Variants in MCU observed in about 807,000 individuals in gnomAD.
The protein encoded by MCU is mitochondrial calcium uniporter, also known as calcium uniporter protein, mitochondrial.
In MCU, 12 loss-of-function variants were observed where a neutral mutation model predicts 45.2. The observed-to-expected ratio is 0.27, with a 90% CI of 0.17 to 0.43. The LOEUF is 0.43. Among genes scored for constraint, MCU ranks in the 20% least tolerant of loss-of-function variants. MCU has a pLI of 1.00. For missense variants in MCU, 324 were observed against 436.7 expected (o/e 0.74, Z 2.30); for synonymous variants, 160 against 165.1 (o/e 0.97, Z 0.24).
At chr10:72,803,280 G>C (rs184193553) in intron 1 of MCU, among the ~76,000 whole-genome samples, 1 of 150,976 alleles carries the variant, frequency 6.6e-6, no homozygotes, top group Admixed American at 6.6e-5. Context: ...AATTTTTCTT[G>C]TATTTCTTCA....
chr10:72,876,925 T>G (rs543765154), intron 6 of MCU, among the ~76,000 whole-genome samples: 11 of 150,166 alleles, frequency 7.3e-5, no homozygotes, highest in East Asian at 3.9e-4. Context: ...ATCACAGTTT[T>G]TTTTTTTTTT....
intron 4 of MCU, among the ~76,000 whole-genome samples, chr10:72,865,770 T>G (rs371700224): frequency 6.0e-5 from 9 of 150,306 alleles, no homozygotes; most frequent in Admixed American, 1.3e-4. Flanking sequence ...TTTGTTTTTT[T>G]TTTTGTTTTT....
chr10:72,764,113 A>AATT (rs1377651062), intron 1 of MCU, among the ~76,000 whole-genome samples: 1 of 152,194 alleles, frequency 6.6e-6, no homozygotes, highest in African/African-American at 2.4e-5. Context: ...TCACATTTAC[A>AATT]TAATGTTGAC....
intron 1 of MCU, among the ~76,000 whole-genome samples, chr10:72,740,139 T>G (rs1203847882): frequency 6.6e-6 from 1 of 151,812 alleles, no homozygotes; most frequent in Non-Finnish European, 1.5e-5. Context: ...CCCAGCACTT[T>G]GGGAGGCTGC....
At chr10:72,849,047 G>A (rs1380386213) in intron 2 of MCU, among the ~76,000 whole-genome samples, 3 of 152,010 alleles carry the variant, frequency 2.0e-5, no homozygotes, top group South Asian at 2.1e-4. Flanking sequence ...TTGGGAGGCC[G>A]AGACGGGTGG....
chr10:72,794,332 A>G (rs1476601023), intron 1 of MCU, among the ~76,000 whole-genome samples: 7 of 152,150 alleles, frequency 4.6e-5, no homozygotes, highest in African/African-American at 9.7e-5. Flanking sequence ...AGATTCATAG[A>G]GTTACTGAAT....
At chr10:72,743,103 T>C (rs1843358909) in intron 1 of MCU, among the ~76,000 whole-genome samples, 1 of 151,856 alleles carries the variant, frequency 6.6e-6, no homozygotes, top group Non-Finnish European at 1.5e-5. Context: ...TCATTCACTG[T>C]CTCGAGAAAA....
chr10:72,775,053 A>G (rs1399404678), intron 1 of MCU, among the ~76,000 whole-genome samples: 1 of 152,154 alleles, frequency 6.6e-6, no homozygotes, highest in Non-Finnish European at 1.5e-5. Flanking sequence ...AATAGACTTG[A>G]TATTTACAGA....
At chr10:72,698,800 C>T (rs1005291577) in intron 1 of MCU, among the ~76,000 whole-genome samples, 2 of 152,000 alleles carry the variant, frequency 1.3e-5, no homozygotes, top group Non-Finnish European at 2.9e-5. Context: ...CCACCATGCT[C>T]AGCCCTTTAT....
At chr10:72,738,778 T>TTG (rs752060223) in intron 1 of MCU, among the ~76,000 whole-genome samples, 10 of 152,248 alleles carry the variant, frequency 6.6e-5, no homozygotes, top group Non-Finnish European at 1.5e-4. Flanking sequence ...CAGTCTAGCC[T>TTG]TCCAGGCTAT....
At position 72,818,181 on chromosome 10, in the gene MCU, G is replaced by A. The variant is rs181011953; in HGVS notation, c.151-16178G>A. On this transcript the variant is annotated intron_variant, in intron 1 of 7. Coordinates refer to ENST00000373053, the MANE Select transcript of MCU (RefSeq NM_138357.3). ...TGAAAAATTTGATTTAAAATGAAAA[G>A]TTCCTCTCTAACCTAGGTCACCTGT... Among the ~76,000 whole-genome samples the A allele has an allele frequency of 1.4e-4, 22 of 152,300 alleles. No individual in the cohort carries two copies. In the East Asian group the frequency reaches 4.0e-3, roughly 28 times the overall value.
At chr10:72,699,252 A>C (rs1842726136) in intron 1 of MCU, among the ~76,000 whole-genome samples, 1 of 152,196 alleles carries the variant, frequency 6.6e-6, no homozygotes, top group East Asian at 1.9e-4. Context: ...CATGCCTGTA[A>C]TCCCAGCACT....
Position 72,885,937 on chromosome 10 carries a change from T to A in MCU, c.*115T>A. The A allele has an allele frequency of 1.4e-6, 1 of 721,002 alleles. No individual in the cohort carries two copies. The allele number at this position is 721,002 out of a possible 1,614,324, so 44.7% of individuals were successfully genotyped here. A position where few individuals can be genotyped will look rare whatever the true frequency, so the allele number is the denominator to read the frequency against. On this transcript the variant is annotated 3_prime_UTR_variant, in exon 8 of 8. Transcript: ENST00000373053. ...GGGGTAGAGCGTTTTTACCTTTAAT[T>A]ATAAAACAAAAACAGAAAGGATCTG...
At chr10:72,845,823 A>T (rs2132850255) in intron 2 of MCU, among the ~76,000 whole-genome samples, 1 of 152,268 alleles carries the variant, frequency 6.6e-6, no homozygotes, top group South Asian at 2.1e-4. Context: ...ACTTCCTTAT[A>T]TATAGGAGTT....
intron 1 of MCU, among the ~76,000 whole-genome samples, chr10:72,807,955 A>G (rs1844477555): frequency 6.6e-6 from 1 of 152,226 alleles, no homozygotes; most frequent in Non-Finnish European, 1.5e-5. Context: ...AGTCACTTAA[A>G]TGCAATCTAG....
chr10:72,754,365 A>G (rs1481239412), intron 1 of MCU, among the ~76,000 whole-genome samples: 1 of 152,228 alleles, frequency 6.6e-6, no homozygotes, highest in Non-Finnish European at 1.5e-5. Flanking sequence ...GCATGCTGCC[A>G]ATTAATGGCA....
intron 1 of MCU, among the ~76,000 whole-genome samples, chr10:72,800,467 A>G (rs1229113404): frequency 2.6e-5 from 4 of 152,222 alleles, no homozygotes; most frequent in Admixed American, 1.3e-4. Context: ...TTTTGGTCCC[A>G]AGGATTTTAG....
At chr10:72,696,185 A>AAAAAAAT (rs1564531189) in intron 1 of MCU, among the ~76,000 whole-genome samples, 20 of 109,992 alleles carry the variant, frequency 1.8e-4, no homozygotes, top group Non-Finnish European at 2.7e-4. Context: ...AAAAAAAAAA[A>AAAAAAAT]TTTTTTTTTT....
intron 1 of MCU, among the ~76,000 whole-genome samples, chr10:72,736,222 A>G (rs768475074): frequency 2.0e-5 from 3 of 152,118 alleles, no homozygotes; most frequent in African/African-American, 2.4e-5. Context: ...GATTTGCTTC[A>G]TTAGCCTTTA....
Sources: allele counts gnomAD v4.1 joint callset (sites outside exome capture counted in the v4.1 genomes callset), GRCh38; gene constraint gnomAD v4.1.1; transcripts MANE v1.5; gene names NCBI Gene and HGNC (gene_info 2026-07-23, HGNC 2026-07-21).